NPHP4: variants seen among roughly 807,000 people sequenced by gnomAD.
The protein encoded by NPHP4 is nephrocystin-4.
A neutral mutation model predicts 155.8 loss-of-function variants in NPHP4; 151 were observed. The observed-to-expected ratio is 0.97, with a 90% confidence interval of 0.85 to 1.11. The LOEUF is 1.11. Among genes scored for constraint, NPHP4 ranks in the 50% least tolerant of loss-of-function variants. The probability of loss-of-function intolerance (pLI) is 0.00; values close to 1 mark genes in which losing one functional copy is unlikely to be tolerated. For synonymous variants in NPHP4, 845 were observed against 816.8 expected (o/e 1.03, Z -0.59); for missense variants, 1,956 against 1,925.7 (o/e 1.02, Z -0.29).
Position 5,874,674 on chromosome 1 carries a change from C to T in NPHP4, c.3045-17G>A, listed in dbSNP as rs758528343. On this transcript the variant is annotated splice_polypyrimidine_tract_variant and intron_variant, in intron 21 of 29. Transcript: ENST00000378156. Reference sequence around the variant, plus strand: ...ACGATGACGCTGGGGGAGGCAGTGTCCAGGCGTCAGGGCAGTTCTTCCCAG... The same window carrying T: ...ACGATGACGCTGGGGGAGGCAGTGTTCAGGCGTCAGGGCAGTTCTTCCCAG... 4 of 1,609,358 alleles carry T rather than the reference C, an allele frequency of 2.5e-6. No homozygotes were observed. Among genetic ancestry groups the T allele is most frequent in the Non-Finnish European group, 3.4e-6 (4 of 1,178,794 alleles).
intron 23 of NPHP4, chr1:5,868,372 C>A: frequency 3.8e-6 from 1 of 264,284 alleles, no homozygotes; most frequent in Non-Finnish European, 7.4e-6. Flanking sequence ...GTGCCTAAAC[C>A]AAAGGGGTTA....
At chr1:5,956,065 G>GGT (rs1553190516) in intron 6 of NPHP4, among the ~76,000 whole-genome samples, 1 of 150,266 alleles carries the variant, frequency 6.7e-6, no homozygotes, top group Non-Finnish European at 1.5e-5. Flanking sequence ...AAGCTGGGGG[G>GGT]GGGGGGTGCA....
intron 9 of NPHP4, among the ~76,000 whole-genome samples, chr1:5,935,772 G>A (rs1228095930): frequency 1.3e-5 from 2 of 152,196 alleles, no homozygotes; most frequent in Admixed American, 1.3e-4. Context: ...CTACTCGGGA[G>A]GCTGAGGCAG....
intron 23 of NPHP4, among the ~76,000 whole-genome samples, chr1:5,869,712 G>A (rs1287630): frequency 0.56 from 85,129 of 152,042 alleles, 24,134 homozygotes; most frequent in Middle Eastern, 0.6. Flanking sequence ...AAATATACAC[G>A]TACATAAAGA....
rs149244006 is a variant in NPHP4, at chr1:5,890,879, C to T, written c.2293G>A (p.Val765Ile). 1,174 of 1,609,728 alleles carry T rather than the reference C, an allele frequency of 7.3e-4. 4 individuals carry two copies. In the African/African-American group the frequency reaches 0.013, roughly 18 times the overall value. Residue 765 changes from valine to isoleucine, a missense_variant, in exon 17 of 30, where the codon GTC (valine) becomes ATC (isoleucine). Coordinates refer to ENST00000378156, the MANE Select transcript of NPHP4 (RefSeq NM_015102.5). The surrounding 1 kb of genome is among the most constrained non-coding windows in gnomAD (Gnocchi z 4.9). ...CAGAGAGCCGCTACCTTCATCTGGA[C>T]GGCAGCAGATCCGATGAGCAGCAGG... ...DSLLLIGSAA[V>I]QMKHLLRQGR...
Position 5,890,919 on chromosome 1 carries a change from G to C in NPHP4, c.2253C>G (p.Val751=), listed in dbSNP as rs375109277. 1.2e-6 allele frequency: 2 copies of C among 1,610,342 alleles called. No individual in the cohort carries two copies. Among genetic ancestry groups the C allele is most frequent in the African/African-American group, 2.7e-5 (2 of 74,856 alleles). Residue 751 remains valine (V), a synonymous_variant, in exon 17 of 30, where the codon GTC becomes GTG. Transcript: ENST00000378156. The surrounding 1 kb of genome is among the most constrained non-coding windows in gnomAD (Gnocchi z 4.9). ...TGAGCAGCAGGGAGTCTCCGTCCCA[G>C]ACGTCAATCTGCAGGGTCTGCACGG... ...YLAVQTLQID[V]WDGDSLLLIG... is the part of the protein sequence containing the mutation.
intron 11 of NPHP4, 58 bp from the exon 12 acceptor site, chr1:5,909,271 T>C: frequency 7.2e-7 from 1 of 1,384,352 alleles, no homozygotes; most frequent in East Asian, 2.4e-5. Context: ...TTGGGGGCAG[T>C]GGGCCCCTGA....
chr1:5,952,679 A>G, intron 7 of NPHP4, 21 bp downstream of exon 7: 5 of 1,100,538 alleles, frequency 4.5e-6, no homozygotes, highest in Non-Finnish European at 6.4e-6. Context: ...CCTGCCCCCC[A>G]TCACGCTTCT....
At position 5,862,974 on chromosome 1, in the gene NPHP4, C is replaced by T. The variant is rs1355429211; in HGVS notation, c.*291G>A. 21 of 445,602 alleles carry T rather than the reference C, an allele frequency of 4.7e-5. No homozygotes were observed. The highest frequency in any genetic ancestry group is 5.3e-5 in the Non-Finnish European group (13 of 245,622). 27.6% of individuals were successfully genotyped at this position (445,602 alleles called of 1,614,324 possible). On this transcript the variant is annotated 3_prime_UTR_variant, in exon 30 of 30. Coordinates refer to ENST00000378156, the MANE Select transcript of NPHP4 (RefSeq NM_015102.5). ...TCATAAAATACATTTTGAGCAACAG[C>T]GATAACGAGGGTCCCACATGCGTAG... is the stretch of plus-strand genomic sequence containing the variant.
At chr1:5,964,781 A>G (rs1037119509) in intron 5 of NPHP4, among the ~76,000 whole-genome samples, 18 of 151,288 alleles carry the variant, frequency 1.2e-4, no homozygotes, top group East Asian at 7.8e-4. Flanking sequence ...CAAGAACCCA[A>G]AGAGAGAGGT....
intron 23 of NPHP4, among the ~76,000 whole-genome samples, chr1:5,872,610 C>T (rs759345351): frequency 6.6e-6 from 1 of 152,212 alleles, no homozygotes; most frequent in African/African-American, 2.4e-5. Context: ...AGACCCGGGC[C>T]ACGGGAACGC....
intron 21 of NPHP4, 98 bp from the exon 22 acceptor site, chr1:5,874,755 GGA>G: frequency 6.6e-7 from 1 of 1,516,902 alleles, no homozygotes; most frequent in Non-Finnish European, 9.0e-7. Flanking sequence ...CAGAGGAGTG[GGA>G]GAGAGAAGTC....
rs768058668 is a variant in NPHP4 at position 5,905,771 on chromosome 1, A to G, written c.1624T>C (p.Leu542=). 4 of 1,608,408 alleles carry G rather than the reference A, an allele frequency of 2.5e-6. No homozygotes were observed. In the East Asian group the frequency reaches 6.7e-5, roughly 27 times the overall value. ...TCCAGGTGGGAGATACCGGCCTCCAACGGGAACTCCTGCTGAACAAAACGA... is the reference window on the plus strand; with the variant it reads ...TCCAGGTGGGAGATACCGGCCTCCAGCGGGAACTCCTGCTGAACAAAACGA... ...ASPAQAQEFP[L]EAGISHLEAD... The change falls in exon 14 of 30, where the codon TTG becomes CTG. Residue 542 remains leucine (L), a synonymous_variant. Coordinates refer to ENST00000378156, the MANE Select transcript of NPHP4 (RefSeq NM_015102.5). This position sits in a 1 kb window ranked among gnomAD's most constrained non-coding sequence, Gnocchi z 4.0.
chr1:5,884,818 C>G (rs1187595571), intron 18 of NPHP4, among the ~76,000 whole-genome samples: 1 of 148,048 alleles, frequency 6.8e-6, no homozygotes, highest in African/African-American at 2.5e-5. Context: ...CCCAGCCAAA[C>G]CCCCATCCTA....
chr1:5,932,858 T>C (rs1646347631), intron 10 of NPHP4, among the ~76,000 whole-genome samples: 1 of 152,116 alleles, frequency 6.6e-6, no homozygotes, highest in African/African-American at 2.4e-5. Context: ...GCTCCAAACG[T>C]GCACGCCACA....
At position 5,964,917 on chromosome 1, in the gene NPHP4, T is replaced by A. The variant is rs866278295; in HGVS notation, c.517+2382A>T. 5.2e-3 allele frequency among the ~76,000 whole-genome samples: 425 copies of A among 82,084 alleles called. 3 individuals carry two copies. Among genetic ancestry groups the A allele is most frequent in the African/African-American group, 0.023 (405 of 17,392 alleles). 53.9% of individuals were successfully genotyped at this position (82,084 alleles called of 152,430 possible). A position where few individuals can be genotyped will look rare whatever the true frequency, so the allele number is the denominator to read the frequency against. Reference sequence around the variant, plus strand: ...ATATAAAATATATAATACATATATATTATATATATATATATATATATATAT... The same window carrying A: ...ATATAAAATATATAATACATATATAATATATATATATATATATATATATAT... On this transcript the variant is annotated intron_variant, in intron 5 of 29. Transcript: ENST00000378156.
intron 9 of NPHP4, 57 bp downstream of exon 9, chr1:5,947,047 T>C: frequency 1.2e-6 from 2 of 1,600,014 alleles, no homozygotes; most frequent in Non-Finnish European, 1.7e-6. Context: ...ACTACATTTA[T>C]CCTCACACAC....
chr1:5,912,411 A>T (rs1376745407), intron 11 of NPHP4, among the ~76,000 whole-genome samples: 5 of 152,018 alleles, frequency 3.3e-5, no homozygotes, highest in Admixed American at 2.6e-4. Context: ...GGTGGTGGGC[A>T]CCTGTAGTCC....
At chr1:5,965,924 G>A (rs1488048307) in intron 5 of NPHP4, among the ~76,000 whole-genome samples, 3 of 152,090 alleles carry the variant, frequency 2.0e-5, no homozygotes, top group Admixed American at 6.5e-5. Flanking sequence ...CCCATGAAGC[G>A]GCATGGGACT....
Sources: allele counts gnomAD v4.1 joint callset (sites outside exome capture counted in the v4.1 genomes callset), GRCh38; gene constraint gnomAD v4.1.1; non-coding constraint Gnocchi (gnomAD v3.1); transcripts MANE v1.5; gene names NCBI Gene and HGNC (gene_info 2026-07-23, HGNC 2026-07-21).